RTTN: variants seen among roughly 807,000 people sequenced by gnomAD.
RTTN encodes rotatin.
A neutral mutation model predicts 269.2 loss-of-function variants in RTTN; 182 were observed. The observed-to-expected ratio is 0.68, with a 90% confidence interval of 0.60 to 0.76. The LOEUF (loss-of-function observed/expected upper bound fraction) is 0.76, where lower values mean the gene tolerates loss of function less well. RTTN is among the 30% of genes least tolerant of loss of function. The probability of loss-of-function intolerance (pLI) is 0.00; values close to 1 mark genes in which losing one functional copy is unlikely to be tolerated. For synonymous variants in RTTN, 1,006 were observed against 963.5 expected (o/e 1.04, Z -0.82); for missense variants, 2,545 against 2,608.6 (o/e 0.98, Z 0.53).
chr18:70,031,424 G>A (rs1229632246), intron 40 of RTTN: 15 of 397,998 alleles, frequency 3.8e-5, no homozygotes, highest in Non-Finnish European at 8.9e-6. Context: ...TATATCTCAG[G>A]TGATTTGGTT....
At chr18:70,201,414 A>T in intron 4 of RTTN, among the ~76,000 whole-genome samples, 1 of 140,740 alleles carries the variant, frequency 7.1e-6, no homozygotes, top group South Asian at 2.2e-4. Context: ...CATCCCGGCT[A>T]AAAAAAAAAC....
At chr18:70,080,790 C>A (rs1416230662) in intron 32 of RTTN, among the ~76,000 whole-genome samples, 1 of 152,098 alleles carries the variant, frequency 6.6e-6, no homozygotes, top group Non-Finnish European at 1.5e-5. Flanking sequence ...TGGGTATCTA[C>A]CCAGAGGAAA....
chr18:70,095,016 T>C (rs2058960935), intron 28 of RTTN, among the ~76,000 whole-genome samples: 1 of 152,142 alleles, frequency 6.6e-6, no homozygotes, highest in Non-Finnish European at 1.5e-5. Context: ...TTTAGGACAG[T>C]TAGCTCTTCT....
chr18:70,048,170 G>A lies in RTTN; in HGVS notation c.5342C>T (p.Ala1781Val), dbSNP rs2057546076. Residue 1781 changes from alanine (A) to valine (V), a missense_variant, in exon 40 of 49, where the codon GCA becomes GTA. Transcript: ENST00000640769. Reference sequence around the variant, plus strand: ...GGCAGGACACGTGGCAGACAAGCCTGCACATGTGCAGAACATATCTAAAGG... The same window carrying A: ...GGCAGGACACGTGGCAGACAAGCCTACACATGTGCAGAACATATCTAAAGG... ...TAAIDMFCTC[A>V]GLSATCPALY... is the part of the protein sequence containing the mutation. 6.2e-6 allele frequency: 10 copies of A among 1,613,906 alleles called. No individual in the cohort carries two copies. In the East Asian group the frequency reaches 2.0e-4, roughly 32 times the overall value.
chr18:70,152,269 T>A (rs2060558754), intron 14 of RTTN, among the ~76,000 whole-genome samples: 1 of 152,126 alleles, frequency 6.6e-6, no homozygotes, highest in Non-Finnish European at 1.5e-5. Flanking sequence ...AAAGGTAGTG[T>A]GGTGCAATGC....
At chr18:70,124,830 C>T (rs915168265) in intron 25 of RTTN, among the ~76,000 whole-genome samples, 28 of 151,894 alleles carry the variant, frequency 1.8e-4, no homozygotes, top group Middle Eastern at 3.2e-3. Context: ...GCAGAAAAAC[C>T]AATTCGCTAG....
chr18:70,099,966 C>T (rs955796784), intron 28 of RTTN, among the ~76,000 whole-genome samples: 11 of 152,206 alleles, frequency 7.2e-5, no homozygotes, highest in Non-Finnish European at 1.3e-4. Context: ...CAGTACCATG[C>T]TGTTTTGGTT....
intron 3 of RTTN, among the ~76,000 whole-genome samples, chr18:70,203,682 G>A (rs1600098527): frequency 6.6e-6 from 1 of 152,126 alleles, no homozygotes; most frequent in Non-Finnish European, 1.5e-5. Context: ...ATGTCGTTTT[G>A]ATTGGTCCCC....
chr18:70,158,182 C>A lies in RTTN; in HGVS notation c.1930-7449G>T, dbSNP rs147973064. On this transcript the variant is annotated intron_variant, in intron 14 of 48. Coordinates refer to ENST00000640769, the MANE Select transcript of RTTN (RefSeq NM_173630.4). ...CCAAGGTCAACAGGAAAGAAAAAAT[C>A]TTAAAAGGAAGCTAGAAAGAAAGAG... 7.1e-3 allele frequency among the ~76,000 whole-genome samples: 1,085 copies of A among 152,030 alleles called. 10 individuals are homozygous for A. The highest frequency in any genetic ancestry group is 0.025 in the African/African-American group (1,020 of 41,460).
intron 21 of RTTN, among the ~76,000 whole-genome samples, chr18:70,137,171 T>C (rs944870946): frequency 6.6e-6 from 1 of 152,210 alleles, no homozygotes; most frequent in Non-Finnish European, 1.5e-5. Flanking sequence ...TGGGGATGTA[T>C]AGGTCTGTGA....
intron 25 of RTTN, among the ~76,000 whole-genome samples, chr18:70,121,991 G>T (rs559187243): frequency 6.6e-6 from 1 of 152,148 alleles, no homozygotes; most frequent in African/African-American, 2.4e-5. Context: ...ATACCAAGGG[G>T]AAAAACACTG....
In RTTN at chr18:70,048,055, G is replaced by A. The variant is rs1056845932; in HGVS notation, c.5457C>T (p.Cys1819=). ...GAAGTGAAGCCACTGTTGGACTACA[G>A]CATAAATGTGTTTTGCTCTTAGCCT... ...HLQAKSKTHL[C]CSPTVASLLD... The change falls in exon 40 of 49, where the codon TGC becomes TGT. Residue 1819 remains cysteine, a synonymous_variant. Transcript: ENST00000640769. 2.7e-5 allele frequency: 44 copies of A among 1,613,998 alleles called. No homozygotes were observed. Among genetic ancestry groups the A allele is most frequent in the Non-Finnish European group, 3.6e-5 (42 of 1,179,996 alleles).
At chr18:70,042,366 C>CTTTTTTTT (rs1017125527) in intron 40 of RTTN, among the ~76,000 whole-genome samples, 5 of 78,072 alleles carry the variant, frequency 6.4e-5, no homozygotes, top group African/African-American at 2.0e-4. Context: ...TTGGAATTTT[C>CTTTTTTTT]TTTTTTTTTT....
At chr18:70,058,322 G>T (rs576330132) in intron 36 of RTTN, among the ~76,000 whole-genome samples, 26 of 152,238 alleles carry the variant, frequency 1.7e-4, no homozygotes, top group African/African-American at 6.0e-4. Flanking sequence ...TTCAAGACCA[G>T]CCTGGTGAAC....
chr18:70,145,094 T>C (rs550171750), intron 18 of RTTN, among the ~76,000 whole-genome samples: 1 of 152,310 alleles, frequency 6.6e-6, no homozygotes, highest in African/African-American at 2.4e-5. Flanking sequence ...TCAGTTCTCA[T>C]AGGAGTGCAA....
intron 33 of RTTN, chr18:70,074,806 C>T (rs1301774524): frequency 4.0e-5 from 6 of 151,524 alleles, no homozygotes; most frequent in Non-Finnish European, 8.8e-5. Context: ...CAAGAACCTA[C>T]AAACAAAAGG....
At chr18:70,113,843 T>A (rs970797424) in intron 27 of RTTN, among the ~76,000 whole-genome samples, 1 of 152,054 alleles carries the variant, frequency 6.6e-6, no homozygotes, top group Admixed American at 6.6e-5. Context: ...AATAGGCAAA[T>A]CCACAGACAT....
At chr18:70,070,008 T>C (rs2058252501) in intron 34 of RTTN, among the ~76,000 whole-genome samples, 2 of 152,336 alleles carry the variant, frequency 1.3e-5, no homozygotes, top group Middle Eastern at 3.4e-3. Context: ...AACCAAATTA[T>C]AACAAGAAGT....
intron 40 of RTTN, among the ~76,000 whole-genome samples, chr18:70,034,489 C>A (rs1035488611): frequency 2.0e-5 from 3 of 152,128 alleles, no homozygotes; most frequent in African/African-American, 7.2e-5. Context: ...CAGTAAAATT[C>A]AACATCTTTT....
Sources: allele counts gnomAD v4.1 joint callset (sites outside exome capture counted in the v4.1 genomes callset), GRCh38; gene constraint gnomAD v4.1.1; transcripts MANE v1.5; gene names NCBI Gene and HGNC (gene_info 2026-07-23, HGNC 2026-07-21).